Variants in RTL4 observed in about 807,000 individuals in gnomAD.
RTL4 encodes the protein retrotransposon Gag-like protein 4.
In RTL4, 4 loss-of-function variants were observed where a neutral mutation model predicts 5.3. The ratio of observed to expected loss-of-function variants is 0.75; its 90% CI spans 0.37 to 1.72. The LOEUF is 1.72. RTL4 is among the 40% of genes most tolerant of loss of function. The probability of loss-of-function intolerance (pLI) is 0.04; values close to 1 mark genes in which losing one functional copy is unlikely to be tolerated. For missense variants in RTL4, 260 were observed against 227.1 expected, an observed-to-expected ratio of 1.14 and a Z score of -0.93; for synonymous variants, 98 against 87.3, an observed-to-expected ratio of 1.12 and a Z score of -0.68.
the RTL4 span, among the ~76,000 whole-genome samples, chrX:112,352,344 T>C: frequency 2.7e-5 from 3 of 110,547 alleles, no homozygotes; most frequent in Admixed American, 2.9e-4. Flanking sequence ...AATGTTCATA[T>C]GGAACCAAAA....
chrX:112,111,415 C>G, the RTL4 span, among the ~76,000 whole-genome samples: 1 of 112,247 alleles, frequency 8.9e-6, no homozygotes, highest in Non-Finnish European at 1.9e-5. Flanking sequence ...CTGTTCTCCT[C>G]TCTCCTTCCC....
chrX:112,181,871 T>C, the RTL4 span, among the ~76,000 whole-genome samples: 824 of 111,888 alleles, frequency 7.4e-3, 4 homozygotes, highest in South Asian at 0.015. Flanking sequence ...CCCTGACCCG[T>C]GCTCCTCCTG....
chrX:112,240,860 A>G, the RTL4 span, among the ~76,000 whole-genome samples: 1 of 108,698 alleles, frequency 9.2e-6, no homozygotes, highest in Non-Finnish European at 1.9e-5. Context: ...GATGTTCCCC[A>G]CCTTGTGTCC....
the RTL4 span, among the ~76,000 whole-genome samples, chrX:112,338,147 A>G: frequency 5.4e-5 from 6 of 111,690 alleles, no homozygotes; most frequent in East Asian, 2.8e-4. Flanking sequence ...CACTCACACA[A>G]TGGGCAGGGA....
chrX:112,122,194 C>T, the RTL4 span, among the ~76,000 whole-genome samples: 7 of 111,410 alleles, frequency 6.3e-5, no homozygotes, highest in South Asian at 3.8e-4. Context: ...TGTCCATCAA[C>T]AGATGAATGG....
At chrX:112,187,550 T>G in the RTL4 span, among the ~76,000 whole-genome samples, 4 of 111,625 alleles carry the variant, frequency 3.6e-5, no homozygotes, top group Non-Finnish European at 5.7e-5. Context: ...CAAAACTCAA[T>G]TATCTAGACT....
At chrX:112,123,379 C>G in the RTL4 span, among the ~76,000 whole-genome samples, 1 of 112,336 alleles carries the variant, frequency 8.9e-6, no homozygotes, top group Non-Finnish European at 1.9e-5. Context: ...CAAGTCAAGT[C>G]AGGTAGAAAT....
chrX:112,166,603 G>A, the RTL4 span, among the ~76,000 whole-genome samples: 1 of 111,577 alleles, frequency 9.0e-6, no homozygotes, highest in South Asian at 3.8e-4. Flanking sequence ...ATGCTTAGGG[G>A]GTTTCTCTTT....
the RTL4 span, among the ~76,000 whole-genome samples, chrX:112,243,130 AG>A: frequency 9.0e-6 from 1 of 111,504 alleles, no homozygotes; most frequent in Non-Finnish European, 1.9e-5. Context: ...GATGTTCATC[AG>A]GGATATTGGT....
the RTL4 span, among the ~76,000 whole-genome samples, chrX:112,252,947 C>T: frequency 9.0e-6 from 1 of 111,535 alleles, no homozygotes; most frequent in South Asian, 3.8e-4. Context: ...CACACTCCCG[C>T]ACCTCCTCTC....
At chrX:112,109,201 C>T in the RTL4 span, among the ~76,000 whole-genome samples, 3 of 111,964 alleles carry the variant, frequency 2.7e-5, no homozygotes, top group African/African-American at 9.7e-5. Context: ...ATTAATGCTT[C>T]TGTGAGGAGA....
the RTL4 span, among the ~76,000 whole-genome samples, chrX:112,434,085 A>C: frequency 1.7e-4 from 17 of 102,523 alleles, no homozygotes; most frequent in Middle Eastern, 4.9e-3. Flanking sequence ...GATGAAGCCC[A>C]CTTGATCATG....
chrX:112,411,020 C>T, the RTL4 span, among the ~76,000 whole-genome samples: 13 of 110,778 alleles, frequency 1.2e-4, no homozygotes, highest in African/African-American at 3.6e-4. Context: ...ATAAAATCAG[C>T]GATGAAAATG....
At chrX:112,218,013 A>T in the RTL4 span, among the ~76,000 whole-genome samples, 1 of 112,316 alleles carries the variant, frequency 8.9e-6, no homozygotes, top group Non-Finnish European at 1.9e-5. Flanking sequence ...AACCAAAAGA[A>T]ACAAGCTCTT....
At chrX:112,383,019 A>G in the RTL4 span, among the ~76,000 whole-genome samples, 2 of 111,883 alleles carry the variant, frequency 1.8e-5, no homozygotes, top group East Asian at 2.8e-4. Context: ...TTTAAGTGCC[A>G]TCGATTTCCC....
At chrX:112,145,552 G>A in the RTL4 span, among the ~76,000 whole-genome samples, 1 of 111,889 alleles carries the variant, frequency 8.9e-6, no homozygotes, top group African/African-American at 3.3e-5. Context: ...TAGGTGCTGG[G>A]GATACAGTAG....
the RTL4 span, among the ~76,000 whole-genome samples, chrX:112,141,470 GA>G: frequency 8.1e-5 from 9 of 111,144 alleles, no homozygotes; most frequent in Non-Finnish European, 1.3e-4. Context: ...GATCTCAGGG[GA>G]AAAAAAACTC....
chrX:112,273,745 T>C, the RTL4 span, among the ~76,000 whole-genome samples: 1 of 111,736 alleles, frequency 8.9e-6, no homozygotes, highest in South Asian at 3.8e-4. Flanking sequence ...TTGACTTGAA[T>C]ACCAGTTGTG....
At chrX:112,166,045 A>G in the RTL4 span, among the ~76,000 whole-genome samples, 1 of 112,347 alleles carries the variant, frequency 8.9e-6, no homozygotes, top group Non-Finnish European at 1.9e-5. Flanking sequence ...CCAAAGGATC[A>G]GTCCTTTCTT....
Sources: gnomAD v4.1 joint callset for allele counts (sites outside exome capture counted in the v4.1 genomes callset) on GRCh38, gnomAD v4.1.1 for gene constraint, MANE v1.5 for transcripts, NCBI Gene and HGNC (gene_info 2026-07-23, HGNC 2026-07-21) for gene names.